PARD3B: variants seen among roughly 807,000 people sequenced by gnomAD.
The protein encoded by PARD3B is partitioning defective 3 homolog B.
A neutral mutation model predicts 130.2 loss-of-function variants in PARD3B; 103 were observed. The ratio of observed to expected loss-of-function variants is 0.79; its 90% CI spans 0.67 to 0.93. The LOEUF (loss-of-function observed/expected upper bound fraction) is 0.93, where lower values mean the gene tolerates loss of function less well. PARD3B is among the 40% of genes least tolerant of loss of function. PARD3B has a pLI of 0.00. For synonymous variants in PARD3B, 583 were observed against 553.2 expected, an observed-to-expected ratio of 1.05 and a Z score of -0.76; for missense variants, 1,609 against 1,499.2, an observed-to-expected ratio of 1.07 and a Z score of -1.21.
chr2:205,067,956 G>A (rs1327012731), intron 4 of PARD3B, among the ~76,000 whole-genome samples: 1 of 152,126 alleles, frequency 6.6e-6, no homozygotes, highest in Admixed American at 6.6e-5. Flanking sequence ...AACTGAGATA[G>A]TTCTGTACTT....
intron 22 of PARD3B, among the ~76,000 whole-genome samples, chr2:205,587,620 G>A (rs2054244573): frequency 6.6e-6 from 1 of 152,150 alleles, no homozygotes; most frequent in African/African-American, 2.4e-5. Context: ...AATGTAGGTA[G>A]AGCTGCTGTA....
intron 18 of PARD3B, among the ~76,000 whole-genome samples, chr2:205,348,328 T>C (rs2043870082): frequency 6.6e-6 from 1 of 152,210 alleles, no homozygotes; most frequent in African/African-American, 2.4e-5. Flanking sequence ...ATCTTGACAT[T>C]CTCCTCTCCG....
intron 2 of PARD3B, among the ~76,000 whole-genome samples, chr2:204,688,975 A>G (rs1165622972): frequency 3.9e-5 from 6 of 152,166 alleles, no homozygotes. Flanking sequence ...ACTCCAGGTG[A>G]GAAGTGGCAT....
chr2:204,634,844 A>G (rs962036018), intron 1 of PARD3B, among the ~76,000 whole-genome samples: 1 of 152,148 alleles, frequency 6.6e-6, no homozygotes, highest in Admixed American at 6.6e-5. Context: ...GGCTCACAAG[A>G]TAGTCATATT....
At chr2:205,037,644 A>T (rs892270794) in intron 3 of PARD3B, among the ~76,000 whole-genome samples, 9 of 147,098 alleles carry the variant, frequency 6.1e-5, no homozygotes, top group South Asian at 2.1e-4. Context: ...TAAAATATGT[A>T]TATAGTGGAC....
chr2:205,304,895 T>C lies in PARD3B; in HGVS notation c.2630+3194T>C, dbSNP rs117704053. Among the ~76,000 whole-genome samples the C allele has an allele frequency of 1.5e-3, 228 of 152,086 alleles. 1 individual carries two copies. In the East Asian group the frequency reaches 0.024, roughly 16 times the overall value. Reference sequence around the variant, plus strand: ...GGGAGGTAGAGGATACAGTGAGCCATGATCCCTTCACTGGACTCCAGCCTG... The same window carrying C: ...GGGAGGTAGAGGATACAGTGAGCCACGATCCCTTCACTGGACTCCAGCCTG... On this transcript the variant is annotated intron_variant, in intron 18 of 22. Transcript: ENST00000406610.
At chr2:205,118,667 T>G (rs574088284) in intron 6 of PARD3B, among the ~76,000 whole-genome samples, 1 of 152,338 alleles carries the variant, frequency 6.6e-6, no homozygotes, top group South Asian at 2.1e-4. Context: ...TCAATAAGTT[T>G]ACTGCAAGCA....
At chr2:204,865,449 C>G (rs1389680610) in intron 2 of PARD3B, among the ~76,000 whole-genome samples, 1 of 152,162 alleles carries the variant, frequency 6.6e-6, no homozygotes, top group Non-Finnish European at 1.5e-5. Flanking sequence ...GAATACTACT[C>G]AGCTATAAAA....
In PARD3B at chr2:204,545,736, GT is replaced by G. The variant is rs5837924; in HGVS notation, c.-263del. The G allele has an allele frequency of 1, 341,545 of 341,560 alleles. 170,765 individuals are homozygous for G. The highest frequency in any genetic ancestry group is 1 in the Middle Eastern group (1,286 of 1,286). 21.2% of individuals were successfully genotyped at this position (341,560 alleles called of 1,614,324 possible). A position where few individuals can be genotyped will look rare whatever the true frequency, so the allele number is the denominator to read the frequency against. ...GCGGGAGGAGGAGGAGGAGGAGCCGGTGCCGCGGAGCTGCCGCGTCCCGGGC... is the reference window on the plus strand; with the variant it reads ...GCGGGAGGAGGAGGAGGAGGAGCCGGGCCGCGGAGCTGCCGCGTCCCGGGC... On this transcript the variant is annotated 5_prime_UTR_variant, in exon 1 of 23. Coordinates refer to ENST00000406610, the MANE Select transcript of PARD3B (RefSeq NM_001302769.2).
At position 205,268,109 on chromosome 2, in the gene PARD3B, A is replaced by G. The variant is rs976672783; in HGVS notation, c.2185+22287A>G. 6.6e-5 allele frequency among the ~76,000 whole-genome samples: 10 copies of G among 152,168 alleles called. No homozygotes were observed. The highest frequency in any genetic ancestry group is 1.9e-4 in the East Asian group (1 of 5,184). On this transcript the variant is annotated intron_variant, in intron 16 of 22. Transcript: ENST00000406610. The surrounding 1 kb of genome is among the most constrained non-coding windows in gnomAD (Gnocchi z 4.1). ...ATCATTCAACTCCTTGCCTTCTCCA[A>G]TGAGAAAGAATGCTGACACAGAAAT...
At chr2:204,701,802 G>T (rs2125277853) in intron 2 of PARD3B, among the ~76,000 whole-genome samples, 1 of 151,802 alleles carries the variant, frequency 6.6e-6, no homozygotes, top group African/African-American at 2.4e-5. Flanking sequence ...CGAGTATATT[G>T]CATAATGCTG....
intron 18 of PARD3B, among the ~76,000 whole-genome samples, chr2:205,383,121 T>TAGAG (rs1559038905): frequency 2.0e-5 from 3 of 150,744 alleles, no homozygotes; most frequent in Middle Eastern, 3.2e-3. Context: ...GATAGATAGA[T>TAGAG]AGATAGATAG....
intron 3 of PARD3B, among the ~76,000 whole-genome samples, chr2:205,018,749 A>AAAAAAAAAAAAAG (rs1559359658): frequency 5.8e-5 from 7 of 120,090 alleles, no homozygotes; most frequent in Admixed American, 8.4e-5. Context: ...AAAAAAAAAA[A>AAAAAAAAAAAAAG]AGCACGCTGA....
chr2:205,193,359 G>A (rs1241291552), intron 15 of PARD3B, 39 bp downstream of exon 15: 1 of 1,435,712 alleles, frequency 7.0e-7, no homozygotes, highest in Admixed American at 1.7e-5. Context: ...CAGCTCTCCA[G>A]CCTCAGCCCA....
chr2:204,894,592 T>C (rs2046576955), intron 2 of PARD3B, among the ~76,000 whole-genome samples: 1 of 152,074 alleles, frequency 6.6e-6, no homozygotes, highest in South Asian at 2.1e-4. Flanking sequence ...ATTGCAAATT[T>C]CTAGTAAGTT....
At chr2:204,940,690 A>G (rs1553563355) in intron 2 of PARD3B, among the ~76,000 whole-genome samples, 2 of 152,154 alleles carry the variant, frequency 1.3e-5, no homozygotes, top group African/African-American at 2.4e-5. Flanking sequence ...TTTGAAGGCT[A>G]GCTCTGTTGT....
intron 2 of PARD3B, among the ~76,000 whole-genome samples, chr2:204,870,215 A>G (rs968994749): frequency 2.6e-5 from 4 of 152,166 alleles, no homozygotes; most frequent in Non-Finnish European, 5.9e-5. Flanking sequence ...GAAGCCAGTA[A>G]ACTTAAGTAT....
intron 1 of PARD3B, among the ~76,000 whole-genome samples, chr2:204,633,898 T>C (rs2034779313): frequency 1.3e-5 from 2 of 152,196 alleles, no homozygotes; most frequent in African/African-American, 4.8e-5. Flanking sequence ...ATGAGATGTT[T>C]TGATACAGGC....
chr2:204,996,666 G>A (rs888453656), intron 3 of PARD3B, among the ~76,000 whole-genome samples: 135 of 146,276 alleles, frequency 9.2e-4, no homozygotes, highest in African/African-American at 3.3e-3. Flanking sequence ...AATGGCGGGC[G>A]CCCCTCCCCC....
Sources: allele counts gnomAD v4.1 joint callset (sites outside exome capture counted in the v4.1 genomes callset), GRCh38; gene constraint gnomAD v4.1.1; non-coding constraint Gnocchi (gnomAD v3.1); transcripts MANE v1.5; gene names NCBI Gene and HGNC (gene_info 2026-07-23, HGNC 2026-07-21).